Variants in SLC16A12 observed in about 807,000 individuals in gnomAD.
SLC16A12 encodes monocarboxylate transporter 12.
SLC16A12 carries 17 observed loss-of-function variants against 42.4 expected under a neutral mutation model. That is an observed-to-expected ratio of 0.40 (90% CI 0.27 to 0.60). The LOEUF is 0.60. Ranked by LOEUF, SLC16A12 falls within the 20% of genes least tolerant of loss-of-function variation. The pLI is 0.42. For missense variants in SLC16A12, 544 were observed against 623.0 expected (o/e 0.87, Z 1.35); for synonymous variants, 224 against 229.4 (o/e 0.98, Z 0.21).
chr10:89,487,809 C>CAAAAAA, intron 2 of SLC16A12, among the ~76,000 whole-genome samples: 1 of 84,740 alleles, frequency 1.2e-5, no homozygotes, highest in Non-Finnish European at 2.2e-5. Context: ...GATTCTGTCT[C>CAAAAAA]AAAAAAAAAA....
chr10:89,459,516 A>ATGTGTGTGTGTGTGTGTGTGTG lies in SLC16A12; in HGVS notation c.200+2862_200+2863insCACACACACACACACACACACA, dbSNP rs58259835. ...AAAGGGCATAGCGGTTTCTGTGTTT[A>ATGTGTGTGTGTGTGTGTGTGTG]TGTGTGTGTGTGTGTGTGTGTATGT... On this transcript the variant is annotated intron_variant, in intron 3 of 7. Coordinates refer to ENST00000371790, the MANE Select transcript of SLC16A12 (RefSeq NM_213606.4). Among the ~76,000 whole-genome samples, 507 of 149,736 alleles carry ATGTGTGTGTGTGTGTGTGTGTG rather than the reference A, an allele frequency of 3.4e-3. 2 individuals carry two copies. The highest frequency in any genetic ancestry group is 0.03 in the East Asian group (154 of 5,092).
In SLC16A12 at chr10:89,462,502, T is replaced by C; in HGVS notation, c.77A>G (p.Glu26Gly). The change falls in exon 3 of 8, where the codon GAA becomes GGA. Residue 26 changes from glutamate to glycine, a missense_variant. By Grantham distance (98) the Glu-to-Gly change is moderately conservative (BLOSUM62 -2). Coordinates refer to ENST00000371790, the MANE Select transcript of SLC16A12 (RefSeq NM_213606.4). ...TACTTTTGCCATGGTTTTTCTTTTT[T>C]CTTCTTTTCCAGGTTGCTCCAACAG... The part of the protein sequence containing the change: ...TWLLEQPGKE[E>G]KRKTMAKVNR... The C allele has an allele frequency of 2.5e-6, 4 of 1,614,000 alleles. No individual in the cohort carries two copies. The highest frequency in any genetic ancestry group is 3.4e-6 in the Non-Finnish European group (4 of 1,179,956).
intron 2 of SLC16A12, among the ~76,000 whole-genome samples, chr10:89,541,586 C>T (rs1385324796): frequency 6.6e-6 from 1 of 152,128 alleles, no homozygotes; most frequent in Non-Finnish European, 1.5e-5. Context: ...GACCCAGTCT[C>T]TAAAAATAGA....
chr10:89,530,413 G>T lies in SLC16A12; in HGVS notation c.-47+4088C>A, dbSNP rs560167048. Among the ~76,000 whole-genome samples the T allele has an allele frequency of 2.0e-3, 299 of 146,030 alleles. 1 individual carries two copies. Among genetic ancestry groups the T allele is most frequent in the Non-Finnish European group, 3.5e-3 (229 of 65,988 alleles). Reference sequence around the variant, plus strand: ...TACTTTTAAAATGTAAAATTTGGTGGTTTTTTTTTTTCTTTTTTTTCTGAG... The same window carrying T: ...TACTTTTAAAATGTAAAATTTGGTGTTTTTTTTTTTTCTTTTTTTTCTGAG... On this transcript the variant is annotated intron_variant, in intron 2 of 7. Transcript: ENST00000371790.
intron 2 of SLC16A12, among the ~76,000 whole-genome samples, chr10:89,480,782 A>G (rs1033361378): frequency 2.0e-5 from 3 of 152,330 alleles, no homozygotes; most frequent in African/African-American, 7.2e-5. Context: ...TGCAGACAAC[A>G]CAAAAGAGTT....
intron 2 of SLC16A12, among the ~76,000 whole-genome samples, chr10:89,529,916 A>G (rs1256865638): frequency 6.6e-6 from 1 of 152,208 alleles, no homozygotes; most frequent in Non-Finnish European, 1.5e-5. Flanking sequence ...TTCTCTCTAG[A>G]TACAGAAATG....
At chr10:89,472,818 C>CT (rs1206440235) in intron 2 of SLC16A12, among the ~76,000 whole-genome samples, 1 of 151,212 alleles carries the variant, frequency 6.6e-6, no homozygotes, top group Non-Finnish European at 1.5e-5. Flanking sequence ...AAATTTTTTT[C>CT]TTTTTTATTA....
At chr10:89,469,367 T>C (rs1323670463) in intron 2 of SLC16A12, among the ~76,000 whole-genome samples, 1 of 152,212 alleles carries the variant, frequency 6.6e-6, no homozygotes, top group African/African-American at 2.4e-5. Flanking sequence ...AGAAAAATCA[T>C]TTGCAAAAAT....
upstream of SLC16A12, among the ~76,000 whole-genome samples, chr10:89,539,885 C>CTTTCTTTCTTTCTTTCTTTCTTTCTTTA (rs1554834019): frequency 1.8e-4 from 26 of 144,362 alleles, no homozygotes; most frequent in Admixed American, 4.1e-4. Flanking sequence ...TTCTTTCTTT[C>CTTTCTTTCTTTCTTTCTTTCTTTCTTTA]TTTCTTTCTT....
intron 3 of SLC16A12, among the ~76,000 whole-genome samples, chr10:89,448,402 T>C (rs1842037965): frequency 6.6e-6 from 1 of 152,006 alleles, no homozygotes; most frequent in Non-Finnish European, 1.5e-5. Context: ...AAAAAACTTA[T>C]CCACCAAGAT....
At chr10:89,441,358 C>G (rs1335599523) in intron 4 of SLC16A12, 107 bp from the exon 5 acceptor site, 2 of 1,376,500 alleles carry the variant, frequency 1.5e-6, no homozygotes, top group East Asian at 4.8e-5. Flanking sequence ...ATTGAGCCCA[C>G]CCTATTAATT....
chr10:89,551,212 A>C (rs985388739), intron 2 of SLC16A12, among the ~76,000 whole-genome samples: 9 of 152,092 alleles, frequency 5.9e-5, no homozygotes, highest in African/African-American at 2.2e-4. Context: ...GAGGCCAAGG[A>C]AGGCAGATCA....
chr10:89,504,538 T>C (rs909177539), intron 2 of SLC16A12, among the ~76,000 whole-genome samples: 2 of 152,202 alleles, frequency 1.3e-5, no homozygotes, highest in African/African-American at 4.8e-5. Context: ...TTTTCCAAGT[T>C]GGTACATACG....
chr10:89,451,290 C>G (rs1412599756), intron 3 of SLC16A12, among the ~76,000 whole-genome samples: 1 of 152,146 alleles, frequency 6.6e-6, no homozygotes, highest in Non-Finnish European at 1.5e-5. Flanking sequence ...AGGGAGAGAA[C>G]CAGGTATAAA....
In SLC16A12 at chr10:89,431,562, T is replaced by C. The variant is rs547739596; in HGVS notation, c.*1502A>G. The C allele has an allele frequency of 1.3e-5, 2 of 152,248 alleles. No individual in the cohort carries two copies. The highest frequency in any genetic ancestry group is 2.9e-5 in the Non-Finnish European group (2 of 68,044). The allele number at this position is 152,248 out of a possible 1,614,324, so 9.4% of individuals were successfully genotyped here. On this transcript the variant is annotated 3_prime_UTR_variant, in exon 8 of 8. Coordinates refer to ENST00000371790, the MANE Select transcript of SLC16A12 (RefSeq NM_213606.4). ...AGGATCATCCTCATTGCTGTTTTTTTTCCCCCAGCACTTGTGAGGCCTTGT... is the reference window on the plus strand; with the variant it reads ...AGGATCATCCTCATTGCTGTTTTTTCTCCCCCAGCACTTGTGAGGCCTTGT...
chr10:89,548,805 G>A lies in SLC16A12; in HGVS notation c.-47+7077C>T, dbSNP rs557766273. On this transcript the variant is annotated intron_variant, in intron 2 of 2. Transcript: ENST00000475682. The stretch of plus-strand genomic sequence containing the variant: ...CACTCCAACCTGGGTGACAGAGCGA[G>A]ACTCTGTCTCAAAAAAAAGACGCAC... Among the ~76,000 whole-genome samples, 37 of 152,270 alleles carry A rather than the reference G, an allele frequency of 2.4e-4. 1 individual carries two copies. The East Asian group carries it at 7.1e-3, about 29-fold the overall frequency.
At chr10:89,535,230 GC>G (rs1423388327) in intron 1 of SLC16A12, among the ~76,000 whole-genome samples, 1 of 152,018 alleles carries the variant, frequency 6.6e-6, no homozygotes, top group African/African-American at 2.4e-5. Context: ...CTCGGCCGCA[GC>G]GCAGACCCAA....
At chr10:89,509,107 C>T (rs1051499311) in intron 2 of SLC16A12, among the ~76,000 whole-genome samples, 10 of 152,088 alleles carry the variant, frequency 6.6e-5, no homozygotes, top group African/African-American at 2.4e-4. Context: ...TAATTAATAG[C>T]CTACCAACCA....
chr10:89,496,761 C>T (rs936934724), intron 2 of SLC16A12, among the ~76,000 whole-genome samples: 1 of 152,102 alleles, frequency 6.6e-6, no homozygotes, highest in Non-Finnish European at 1.5e-5. Context: ...AGGAGAAGAA[C>T]ACTTTCACAT....
Sources: allele counts gnomAD v4.1 joint callset (sites outside exome capture counted in the v4.1 genomes callset), GRCh38; gene constraint gnomAD v4.1.1; transcripts MANE v1.5; gene names NCBI Gene and HGNC (gene_info 2026-07-23, HGNC 2026-07-21).